The following PIKFYVE variants were observed in gnomAD, a reference collection of about 807,000 sequenced individuals.
The protein encoded by PIKFYVE is phosphoinositide kinase, FYVE-type zinc finger containing.
A neutral mutation model predicts 257.9 loss-of-function variants in PIKFYVE; 122 were observed. The observed-to-expected ratio is 0.47, with a 90% CI of 0.41 to 0.55. The LOEUF (loss-of-function observed/expected upper bound fraction) is 0.55, where lower values mean the gene tolerates loss of function less well. Ranked by LOEUF, PIKFYVE falls within the 20% of genes least tolerant of loss-of-function variation. The pLI, the probability that PIKFYVE is intolerant of heterozygous loss-of-function variation, is 0.00. For synonymous variants in PIKFYVE, 892 were observed against 868.9 expected (o/e 1.03, Z -0.47); for missense variants, 2,160 against 2,536.6 (o/e 0.85, Z 3.19).
intron 6 of PIKFYVE, 83 bp downstream of exon 6, chr2:208,286,016 T>TA (rs1691527531): frequency 7.6e-7 from 1 of 1,315,342 alleles, no homozygotes; most frequent in Non-Finnish European, 1.1e-6. Context: ...AGTTAACACT[T>TA]ACCCTCTTAG....
chr2:208,296,625 G>C (rs1331950288), intron 7 of PIKFYVE, among the ~76,000 whole-genome samples: 1 of 152,104 alleles, frequency 6.6e-6, no homozygotes, highest in Non-Finnish European at 1.5e-5. Context: ...AGATCATCAA[G>C]AGAATGAGTG....
chr2:208,272,976 A>G (rs926552964), intron 2 of PIKFYVE, among the ~76,000 whole-genome samples: 1 of 152,110 alleles, frequency 6.6e-6, no homozygotes, highest in African/African-American at 2.4e-5. Flanking sequence ...TTTTATTTAG[A>G]TTTCTTGAGT....
rs1695746584 is a variant in PIKFYVE at position 208,317,998 on chromosome 2, A to G, written c.2082+57A>G. 4 of 1,521,184 alleles carry G rather than the reference A, an allele frequency of 2.6e-6. No homozygotes were observed. In the South Asian group the frequency reaches 3.4e-5, roughly 13 times the overall value. The allele number at this position is 1,521,184 out of a possible 1,614,324, so 94.2% of individuals were successfully genotyped here. A position where few individuals can be genotyped will look rare whatever the true frequency, so the allele number is the denominator to read the frequency against. ...GCAAACCATGGCTGTGTGCTTAGGT[A>G]ACAAGTTGGGGCACCTTAGTTATGG... On this transcript the variant is annotated intron_variant, in intron 16 of 41. Coordinates refer to ENST00000264380, the MANE Select transcript of PIKFYVE (RefSeq NM_015040.4).
chr2:208,314,240 A>G, intron 13 of PIKFYVE, 54 bp from the exon 14 acceptor site: 1 of 1,569,614 alleles, frequency 6.4e-7, no homozygotes, highest in South Asian at 1.1e-5. Flanking sequence ...ATATGAGTAG[A>G]TGGTATAAAA....
intron 10 of PIKFYVE, among the ~76,000 whole-genome samples, chr2:208,302,809 G>A (rs901298435): frequency 8.5e-5 from 13 of 152,160 alleles, no homozygotes; most frequent in Non-Finnish European, 1.8e-4. Flanking sequence ...GCTGGGTACG[G>A]TGGCTCACGC....
Position 208,325,699 on chromosome 2 carries a change from G to A in PIKFYVE, c.2888G>A (p.Cys963Tyr). ...VKHQEHSTTA[C>Y]PAGLPCAFFA... ...CATCAAGAACATAGCACAACAGCTTGCCCGGCGGGTCTCCCTTGTGCTTTC... is the reference window on the plus strand; with the variant it reads ...CATCAAGAACATAGCACAACAGCTTACCCGGCGGGTCTCCCTTGTGCTTTC... Residue 963 changes from cysteine (C) to tyrosine (Y), a missense_variant, in exon 20 of 42, where the codon TGC (cysteine) becomes TAC (tyrosine). Physicochemically the swap from Cys to Tyr is radical, Grantham distance 194. Transcript: ENST00000264380. 10 of 1,613,770 alleles carry A rather than the reference G, an allele frequency of 6.2e-6. No homozygotes were observed. Among genetic ancestry groups the A allele is most frequent in the Non-Finnish European group, 8.5e-6 (10 of 1,179,792 alleles).
chr2:208,330,832 C>G (rs933735529), intron 23 of PIKFYVE, 138 bp downstream of exon 23: 24 of 846,702 alleles, frequency 2.8e-5, no homozygotes, highest in Non-Finnish European at 4.2e-5. Context: ...TGTTATTTTA[C>G]CTTCCAGTGC....
chr2:208,340,784 A>G (rs927596869), intron 31 of PIKFYVE, among the ~76,000 whole-genome samples: 4 of 152,180 alleles, frequency 2.6e-5, no homozygotes, highest in African/African-American at 9.7e-5. Flanking sequence ...CCTGTGATGT[A>G]GAATAAGATT....
intron 12 of PIKFYVE, chr2:208,305,345 T>A: frequency 8.6e-7 from 1 of 1,168,224 alleles, no homozygotes; most frequent in Non-Finnish European, 1.1e-6. Context: ...TCTGCTCTAT[T>A]CTTTTCTCTT....
At chr2:208,312,069 T>C (rs1264915879) in intron 12 of PIKFYVE, among the ~76,000 whole-genome samples, 167 bp from the exon 13 acceptor site, 1 of 152,210 alleles carries the variant, frequency 6.6e-6, no homozygotes, top group Admixed American at 6.5e-5. Flanking sequence ...AGAACAAGTA[T>C]AAAGAGGCAT....
intron 13 of PIKFYVE, among the ~76,000 whole-genome samples, chr2:208,312,647 GT>G (rs1216782477): frequency 6.6e-6 from 1 of 152,194 alleles, no homozygotes; most frequent in African/African-American, 2.4e-5. Flanking sequence ...TGTCAAATTT[GT>G]CAAAAAGCCC....
chr2:208,342,441 T>G, intron 31 of PIKFYVE, 113 bp from the exon 32 acceptor site: 1 of 778,814 alleles, frequency 1.3e-6, no homozygotes, highest in Non-Finnish European at 2.1e-6. Flanking sequence ...TCTTGAAATC[T>G]TTTTCTTTCC....
Position 208,354,003 on chromosome 2 carries a change from C to G in PIKFYVE, c.5950C>G (p.Arg1984Gly). The change falls in exon 40 of 42, where the codon CGA becomes GGA. Residue 1984 changes from arginine to glycine, a missense_variant. By Grantham distance (125) the Arg-to-Gly change is moderately radical (BLOSUM62 -2). This residue lies in a region of PIKFYVE where 699 missense variants were observed against 855.8 expected (regional missense o/e 0.82). Transcript: ENST00000264380. ...LLDENLLKMVRDNPLYIRSHS... is the reference protein window; with the variant it reads ...LLDENLLKMVGDNPLYIRSHS... The stretch of plus-strand genomic sequence containing the variant: ...AGATGAAAATCTCCTAAAGATGGTT[C>G]GAGACAACCCTCTATATATTCGTTC... The G allele has an allele frequency of 1.2e-6, 2 of 1,613,990 alleles. No homozygotes were observed. Among genetic ancestry groups the G allele is most frequent in the Non-Finnish European group, 1.7e-6 (2 of 1,179,958 alleles).
rs1301114748 is a variant in PIKFYVE, at chr2:208,333,452, T to A, written c.4101T>A (p.Tyr1367Ter). ...GTGGTCACTCCATCCATCATGATTA[T>A]CACCAGTATTTCTCCTATAACCAGA... ...EPCGHSIHHDYHQYFSYNQMV... is the reference protein window; with the variant it reads ...EPCGHSIHHD Residue 1367 changes from tyrosine to a stop codon, truncating the protein, a stop_gained, in exon 24 of 42, where the codon TAT becomes TAA. Coordinates refer to ENST00000264380, the MANE Select transcript of PIKFYVE (RefSeq NM_015040.4). LOFTEE classifies it high-confidence loss of function. 6.2e-7 allele frequency: 1 copy of A among 1,613,996 alleles called. No individual in the cohort carries two copies. Among genetic ancestry groups the A allele is most frequent in the African/African-American group, 1.3e-5 (1 of 74,926 alleles).
At position 208,326,087 on chromosome 2, in the gene PIKFYVE, T is replaced by A; in HGVS notation, c.3276T>A (p.Asn1092Lys). Residue 1092 changes from asparagine (N) to lysine (K), a missense_variant, in exon 20 of 42, where the codon AAT becomes AAA. This residue lies in a region of PIKFYVE where 522 missense variants were observed against 514.6 expected (regional missense o/e 1.01). Coordinates refer to ENST00000264380, the MANE Select transcript of PIKFYVE (RefSeq NM_015040.4). ...AGGTTTACTGGTCTCCTCTCCTCAA[T>A]AAAGAATTCAAAGAAATGGAGAACA... ...AEQVYWSPLL[N>K]KEFKEMENRR... The A allele has an allele frequency of 6.2e-7, 1 of 1,614,072 alleles. No individual in the cohort carries two copies. The highest frequency in any genetic ancestry group is 1.1e-5 in the South Asian group (1 of 91,078).
chr2:208,330,827 T>C, intron 23 of PIKFYVE, 133 bp downstream of exon 23: 2 of 919,100 alleles, frequency 2.2e-6, no homozygotes, highest in Admixed American at 5.1e-5. Context: ...GTCATTGTTA[T>C]TTTACCTTCC....
At chr2:208,290,559 G>A (rs189241234) in intron 7 of PIKFYVE, among the ~76,000 whole-genome samples, 34 of 152,260 alleles carry the variant, frequency 2.2e-4, no homozygotes, top group African/African-American at 7.0e-4. Context: ...TATCAGTTAC[G>A]AGCAAGGCTG....
At chr2:208,314,463 A>G (rs546601915) in intron 14 of PIKFYVE, 40 bp downstream of exon 14, 1 of 1,580,562 alleles carries the variant, frequency 6.3e-7, no homozygotes, top group East Asian at 2.3e-5. Context: ...TTTCACTTTT[A>G]TTATCTTCAG....
chr2:208,343,394 T>C (rs1698907180), intron 32 of PIKFYVE, among the ~76,000 whole-genome samples: 1 of 152,198 alleles, frequency 6.6e-6, no homozygotes, highest in East Asian at 1.9e-4. Context: ...AGCAGTCACC[T>C]CTTACCCATT....
Sources: allele counts gnomAD v4.1 joint callset (sites outside exome capture counted in the v4.1 genomes callset), GRCh38; gene constraint gnomAD v4.1.1; regional missense constraint gnomAD v4.1.1; transcripts MANE v1.5; gene names NCBI Gene and HGNC (gene_info 2026-07-23, HGNC 2026-07-21).